Variants in NMRK1 observed in about 807,000 individuals in gnomAD.
NMRK1 encodes the protein nicotinamide riboside kinase 1.
Under a neutral mutation model 29.9 loss-of-function variants are expected in NMRK1, and 28 were observed. That is an observed-to-expected ratio of 0.94 (90% CI 0.69 to 1.28). The LOEUF (loss-of-function observed/expected upper bound fraction) is 1.28. Among genes scored for constraint, NMRK1 ranks in the 50% most tolerant of loss-of-function variants. NMRK1 has a pLI of 0.00. For missense variants in NMRK1, 218 were observed against 233.1 expected (o/e 0.94, Z 0.42); for synonymous variants, 58 against 73.0 (o/e 0.79, Z 1.05).
chr9:75,083,920 T>C (rs1244282786), intron 1 of NMRK1, among the ~76,000 whole-genome samples: 2 of 152,252 alleles, frequency 1.3e-5, no homozygotes, highest in Non-Finnish European at 2.9e-5. Flanking sequence ...ATGACAAGAA[T>C]GAAATTCCCT....
chr9:75,065,953 T>G (rs185610031), intron 8 of NMRK1, among the ~76,000 whole-genome samples: 78 of 152,340 alleles, frequency 5.1e-4, no homozygotes, highest in Non-Finnish European at 5.6e-4. Flanking sequence ...CCTAGGAGGA[T>G]GTTGTTGTCA....
intron 8 of NMRK1, among the ~76,000 whole-genome samples, chr9:75,065,462 C>A (rs1224542309): frequency 6.6e-6 from 1 of 151,914 alleles, no homozygotes; most frequent in Non-Finnish European, 1.5e-5. Flanking sequence ...AGCCACTGTG[C>A]TTGGTAGCTA....
In NMRK1 at chr9:75,077,226, A is replaced by C; in HGVS notation, c.121-19T>G. 2.0e-6 allele frequency: 3 copies of C among 1,537,082 alleles called. No homozygotes were observed. Among genetic ancestry groups the C allele is most frequent in the Middle Eastern group, 1.7e-4 (1 of 5,860 alleles). On this transcript the variant is annotated intron_variant, in intron 3 of 8. Coordinates refer to ENST00000361092, the MANE Select transcript of NMRK1 (RefSeq NM_017881.3). ...ACTCTGGCTGGAAAAATAATAAAGT[A>C]CCCATCAAAACAGTGTGTAGGAAAG... is the stretch of plus-strand genomic sequence containing the variant.
Position 75,069,096 on chromosome 9 carries a change from C to A in NMRK1, c.396G>T (p.Arg132Ser). 6.2e-7 allele frequency: 1 copy of A among 1,609,392 alleles called. No individual in the cohort carries two copies. The highest frequency in any genetic ancestry group is 8.5e-7 in the Non-Finnish European group (1 of 1,176,648). ...YEECKRRRST[R>S]VYQPPDSPGY... ...CCGGAGAGTCTGGAGGCTGATAGAC[C>A]CTTGTACTATCAAAACACGTAGGAA... is the stretch of plus-strand genomic sequence containing the variant. The change falls in exon 7 of 9, where the codon AGG becomes AGT. Residue 132 changes from arginine (R) to serine (S), a missense_variant. Transcript: ENST00000361092.
chr9:75,082,771 G>T (rs1824392193), intron 2 of NMRK1: 2 of 362,350 alleles, frequency 5.5e-6, no homozygotes, highest in East Asian at 9.6e-5. Flanking sequence ...GAAGGAGAAT[G>T]ATATGGGGAA....
intron 4 of NMRK1, among the ~76,000 whole-genome samples, chr9:75,075,633 G>A (rs947360051): frequency 5.9e-5 from 9 of 152,172 alleles, no homozygotes; most frequent in Non-Finnish European, 1.3e-4. Context: ...TACAAAAAAT[G>A]TTTTATGATA....
In NMRK1 at chr9:75,082,783, G is replaced by A. The variant is rs564361828; in HGVS notation, c.29+304C>T. The A allele has an allele frequency of 2.3e-5, 9 of 390,236 alleles. No homozygotes were observed. In the East Asian group the frequency reaches 3.8e-4, roughly 17 times the overall value. 24.2% of individuals were successfully genotyped at this position (390,236 alleles called of 1,614,324 possible). On this transcript the variant is annotated intron_variant, in intron 2 of 8. Transcript: ENST00000361092. ...GATGAAGGAGAATGATATGGGGAAT[G>A]ATAAATCATCCTGAATGAAAGCAGT...
chr9:75,082,595 G>C (rs150022838), intron 2 of NMRK1: 3 of 155,040 alleles, frequency 1.9e-5, no homozygotes, highest in African/African-American at 7.2e-5. Context: ...ACATGTTTGA[G>C]AGAAAGAGAG....
chr9:75,072,225 A>G (rs573181616), intron 4 of NMRK1, among the ~76,000 whole-genome samples: 1 of 152,288 alleles, frequency 6.6e-6, no homozygotes, highest in South Asian at 2.1e-4. Context: ...CATGGATCCC[A>G]TAGCCATGTC....
intron 1 of NMRK1, among the ~76,000 whole-genome samples, chr9:75,086,912 T>TTTG (rs1554768597): frequency 6.6e-6 from 1 of 150,842 alleles, no homozygotes; most frequent in East Asian, 1.9e-4. Context: ...GGCTGGGTTT[T>TTTG]TTTTTTTTTT....
At chr9:75,067,512 T>A (rs898041054) in intron 7 of NMRK1, among the ~76,000 whole-genome samples, 11 of 152,164 alleles carry the variant, frequency 7.2e-5, no homozygotes, top group African/African-American at 2.7e-4. Flanking sequence ...CCCTTTGGAA[T>A]GGCTAGAATA....
intron 4 of NMRK1, among the ~76,000 whole-genome samples, chr9:75,072,824 A>T (rs1027024995): frequency 6.6e-6 from 1 of 152,214 alleles, no homozygotes; most frequent in African/African-American, 2.4e-5. Context: ...GCCCTTGCAT[A>T]TATGGACTGT....
In NMRK1 at chr9:75,061,526, A is replaced by G. The variant is rs1414997922; in HGVS notation, c.*22T>C. The G allele has an allele frequency of 4.4e-6, 7 of 1,602,794 alleles. No individual in the cohort carries two copies. The highest frequency in any genetic ancestry group is 6.0e-6 in the Non-Finnish European group (7 of 1,171,818). On this transcript the variant is annotated 3_prime_UTR_variant, in exon 9 of 9. Coordinates refer to ENST00000361092, the MANE Select transcript of NMRK1 (RefSeq NM_017881.3). The stretch of plus-strand genomic sequence containing the variant: ...TTGGAGTTTCCTAATTCACTTCAGG[A>G]AGGATTTGTTGTGTTCCGTCTTTAT...
rs576935590 is a variant in NMRK1 at position 75,073,092 on chromosome 9, T to C, written c.170-3050A>G. Among the ~76,000 whole-genome samples the C allele has an allele frequency of 1.1e-4, 16 of 152,228 alleles. No individual in the cohort carries two copies. In the South Asian group the frequency reaches 3.3e-3, roughly 32 times the overall value. ...ATATGGTCATTACAGATACAATCAG[T>C]TAAGGTGAGGTCACACTGGAGTAGG... is the stretch of plus-strand genomic sequence containing the variant. On this transcript the variant is annotated intron_variant, in intron 4 of 8. Coordinates refer to ENST00000361092, the MANE Select transcript of NMRK1 (RefSeq NM_017881.3).
At chr9:75,064,077 T>G (rs1168153986) in intron 8 of NMRK1, among the ~76,000 whole-genome samples, 3 of 152,054 alleles carry the variant, frequency 2.0e-5, no homozygotes, top group African/African-American at 2.4e-5. Flanking sequence ...CACAGGGAAA[T>G]GCACTTTCTT....
intron 6 of NMRK1, 171 bp downstream of exon 6, chr9:75,069,571 C>T: frequency 3.3e-6 from 2 of 610,178 alleles, no homozygotes; most frequent in Non-Finnish European, 2.8e-6. Flanking sequence ...TGCATTACTC[C>T]ATGCGGATGA....
At chr9:75,072,606 G>A (rs1195077101) in intron 4 of NMRK1, among the ~76,000 whole-genome samples, 2 of 152,078 alleles carry the variant, frequency 1.3e-5, no homozygotes, top group African/African-American at 2.4e-5. Context: ...AAAACTGGAT[G>A]GCGAACTCAA....
In NMRK1 at chr9:75,077,667, G is replaced by A. The variant is rs551332061; in HGVS notation, c.30-87C>T. 1,372 of 912,408 alleles carry A rather than the reference G, an allele frequency of 1.5e-3. 14 individuals carry two copies. The highest frequency in any genetic ancestry group is 0.013 in the South Asian group (928 of 71,692). 56.5% of individuals were successfully genotyped at this position (912,408 alleles called of 1,614,324 possible). A position where few individuals can be genotyped will look rare whatever the true frequency, so the allele number is the denominator to read the frequency against. On this transcript the variant is annotated intron_variant, in intron 2 of 8. Transcript: ENST00000361092. ...TTTTTTTTTTGAGAGACAGGGTCTC[G>A]CTGTGTCACCAAGGCTGGAGTGCAG... is the stretch of plus-strand genomic sequence containing the variant.
At chr9:75,070,188 A>G (rs1254744410) in intron 4 of NMRK1, 146 bp from the exon 5 acceptor site, 2 of 606,038 alleles carry the variant, frequency 3.3e-6, no homozygotes, top group Non-Finnish European at 5.5e-6. Flanking sequence ...AATAATTTAG[A>G]TAACATGTGG....
Sources: gnomAD v4.1 joint callset for allele counts (sites outside exome capture counted in the v4.1 genomes callset) on GRCh38, gnomAD v4.1.1 for gene constraint, MANE v1.5 for transcripts, NCBI Gene and HGNC (gene_info 2026-07-23, HGNC 2026-07-21) for gene names.